Variants in SOX6 observed in about 807,000 individuals in gnomAD.
SOX6 encodes SRY-box transcription factor 6.
Under a neutral mutation model 97.8 loss-of-function variants are expected in SOX6, and 11 were observed. That is an observed-to-expected ratio of 0.11 (90% confidence interval 0.07 to 0.19). SOX6 has a LOEUF of 0.19. Among genes scored for constraint, SOX6 ranks in the 10% least tolerant of loss-of-function variants. The probability of loss-of-function intolerance (pLI) is 1.00; values close to 1 mark genes in which losing one functional copy is unlikely to be tolerated. For synonymous variants in SOX6, 360 were observed against 371.4 expected (o/e 0.97, Z 0.35); for missense variants, 810 against 1,039.5 (o/e 0.78, Z 3.04).
chr11:16,670,578 G>A (rs1308441696), intron 3 of SOX6, among the ~76,000 whole-genome samples: 2 of 152,140 alleles, frequency 1.3e-5, no homozygotes, highest in African/African-American at 4.8e-5. Flanking sequence ...TCCAAGGAGA[G>A]GAGGCCAGTC....
chr11:16,174,034 CTTT>C (rs76988026), intron 6 of SOX6, among the ~76,000 whole-genome samples: 2 of 132,024 alleles, frequency 1.5e-5, no homozygotes, highest in Non-Finnish European at 1.7e-5. Flanking sequence ...TCCTTTGTTT[CTTT>C]TTTTTTTTTT....
At chr11:16,364,405 G>C (rs1857293518) in intron 1 of SOX6, among the ~76,000 whole-genome samples, 1 of 152,062 alleles carries the variant, frequency 6.6e-6, no homozygotes, top group Admixed American at 6.6e-5. Flanking sequence ...AAATCTTCCT[G>C]AGCTGCACTT....
intron 15 of SOX6, among the ~76,000 whole-genome samples, chr11:15,983,276 T>G (rs1853726723): frequency 6.6e-6 from 1 of 152,086 alleles, no homozygotes; most frequent in African/African-American, 2.4e-5. Context: ...ATACTTACTC[T>G]GCGAACTGAA....
At chr11:16,207,610 T>G (rs114276961) in intron 4 of SOX6, among the ~76,000 whole-genome samples, 5 of 147,798 alleles carry the variant, frequency 3.4e-5, no homozygotes, top group Admixed American at 1.3e-4. Context: ...AAAAAAAAAG[T>G]AAAGAACAAA....
intron 4 of SOX6, among the ~76,000 whole-genome samples, chr11:16,596,960 A>T (rs1848218717): frequency 6.6e-6 from 1 of 152,192 alleles, no homozygotes; most frequent in African/African-American, 2.4e-5. Context: ...ATAAATGAGC[A>T]CTGACATTAT....
intron 3 of SOX6, among the ~76,000 whole-genome samples, chr11:16,303,306 G>A (rs1026576913): frequency 1.3e-5 from 2 of 152,166 alleles, no homozygotes; most frequent in South Asian, 4.1e-4. Flanking sequence ...AACAGGCATT[G>A]TGAAGATAGA....
intron 15 of SOX6, among the ~76,000 whole-genome samples, chr11:15,981,448 G>T (rs1465188407): frequency 6.6e-6 from 1 of 151,860 alleles, no homozygotes; most frequent in Non-Finnish European, 1.5e-5. Flanking sequence ...ATTTATGCTG[G>T]CAAAGCCCCA....
At chr11:16,418,427 T>C (rs1858965774) in intron 1 of SOX6, among the ~76,000 whole-genome samples, 1 of 152,170 alleles carries the variant, frequency 6.6e-6, no homozygotes, top group Non-Finnish European at 1.5e-5. Context: ...CAGACAATGG[T>C]AGTACTACAG....
At chr11:15,988,501 C>T (rs927112518) in intron 14 of SOX6, among the ~76,000 whole-genome samples, 1 of 152,182 alleles carries the variant, frequency 6.6e-6, no homozygotes, top group African/African-American at 2.4e-5. Flanking sequence ...TTTTGCACTC[C>T]ATGAATTTCA....
Position 16,535,377 on chromosome 11 carries a change from T to C in SOX6, n.610-58989A>G, listed in dbSNP as rs556337892. ...ATTTCTTTCTTTCTTTTTTGAAGCA[T>C]GATTCAAAAAATTGGTCTTGGCCAG... On this transcript the variant is annotated intron_variant and non_coding_transcript_variant, in intron 4 of 5. Transcript: ENST00000524520. Among the ~76,000 whole-genome samples, 24 of 152,294 alleles carry C rather than the reference T, an allele frequency of 1.6e-4. No individual in the cohort carries two copies. The East Asian group carries it at 1.7e-3, about 11-fold the overall frequency.
intron 1 of SOX6, chr11:16,476,227 T>C (rs1184598544): frequency 6.6e-6 from 1 of 152,126 alleles, no homozygotes; most frequent in African/African-American, 2.4e-5. Flanking sequence ...CTAATAAAAA[T>C]TCACACGCAC....
intron 1 of SOX6, among the ~76,000 whole-genome samples, chr11:16,346,015 T>C (rs1856768575): frequency 6.6e-6 from 1 of 152,014 alleles, no homozygotes; most frequent in South Asian, 2.1e-4. Context: ...TCCAGGTGTG[T>C]TACATTTATT....
At chr11:16,046,793 T>G in intron 11 of SOX6, 92 bp from the exon 12 acceptor site, 1 of 1,304,382 alleles carries the variant, frequency 7.7e-7, no homozygotes, top group Non-Finnish European at 1.1e-6. Context: ...AGCTGCATTC[T>G]CTGAACAAGG....
At chr11:16,733,926 C>T (rs1848371195) in intron 2 of SOX6, among the ~76,000 whole-genome samples, 1 of 150,280 alleles carries the variant, frequency 6.7e-6, no homozygotes. Context: ...ACTCAGGAGG[C>T]TGAGGCAGGA....
At chr11:16,510,436 G>A (rs1221122899) in intron 4 of SOX6, among the ~76,000 whole-genome samples, 3 of 151,856 alleles carry the variant, frequency 2.0e-5, no homozygotes, top group Non-Finnish European at 4.4e-5. Flanking sequence ...AATTGCTTCA[G>A]TATCATTTCT....
At chr11:16,544,463 T>C (rs1847591451) in intron 4 of SOX6, among the ~76,000 whole-genome samples, 1 of 152,092 alleles carries the variant, frequency 6.6e-6, no homozygotes, top group Non-Finnish European at 1.5e-5. Flanking sequence ...TCTCACTATG[T>C]TGACTAGGCT....
chr11:16,433,593 A>C (rs1859311604), intron 1 of SOX6, among the ~76,000 whole-genome samples: 1 of 152,064 alleles, frequency 6.6e-6, no homozygotes, highest in Non-Finnish European at 1.5e-5. Flanking sequence ...AACAGCTTCC[A>C]ATTTAATTAT....
chr11:16,074,829 A>G (rs181685597), intron 9 of SOX6, among the ~76,000 whole-genome samples: 44 of 152,348 alleles, frequency 2.9e-4, no homozygotes, highest in Non-Finnish European at 5.3e-4. Context: ...AATTCCTATC[A>G]AACTATCAAT....
At chr11:16,261,526 C>A (rs1034111572) in intron 3 of SOX6, among the ~76,000 whole-genome samples, 1 of 151,810 alleles carries the variant, frequency 6.6e-6, no homozygotes, top group Non-Finnish European at 1.5e-5. Context: ...GGGAAAAATA[C>A]AATATCAGGT....
Sources: allele counts gnomAD v4.1 joint callset (sites outside exome capture counted in the v4.1 genomes callset), GRCh38; gene constraint gnomAD v4.1.1; transcripts MANE v1.5; gene names NCBI Gene and HGNC (gene_info 2026-07-23, HGNC 2026-07-21).